TMEM184C: variants seen among roughly 807,000 people sequenced by gnomAD.
TMEM184C encodes transmembrane protein 184C, also known as transmembrane protein 34.
A neutral mutation model predicts 54.5 loss-of-function variants in TMEM184C; 25 were observed. The ratio of observed to expected loss-of-function variants is 0.46; its 90% confidence interval spans 0.33 to 0.64. The LOEUF (loss-of-function observed/expected upper bound fraction) is 0.64, where lower values mean the gene tolerates loss of function less well. Ranked by LOEUF, TMEM184C falls within the 30% of genes least tolerant of loss-of-function variation. TMEM184C has a pLI of 0.02. For missense variants in TMEM184C, 335 were observed against 520.3 expected (o/e 0.64, Z 3.46); for synonymous variants, 148 against 181.5 (o/e 0.82, Z 1.49).
chr4:147,634,122 A>G (rs748857567), intron 9 of TMEM184C, 47 bp from the exon 10 acceptor site: 2 of 1,578,128 alleles, frequency 1.3e-6, no homozygotes, highest in Admixed American at 3.5e-5. Flanking sequence ...TGGTAAGTTT[A>G]TAATGGTAAA....
intron 6 of TMEM184C, among the ~76,000 whole-genome samples, chr4:147,630,804 G>A (rs1250733086): frequency 6.6e-6 from 1 of 152,026 alleles, no homozygotes; most frequent in Non-Finnish European, 1.5e-5. Flanking sequence ...ATAGGGAATA[G>A]TGAACTTTCA....
In TMEM184C at chr4:147,629,720, C is replaced by G. The variant is rs763054192; in HGVS notation, c.666+28C>G. On this transcript the variant is annotated intron_variant, in intron 6 of 9. Transcript: ENST00000296582. ...AAGTAAAATGTTCACTTTTCTTAAA[C>G]TGTACTAAATTCGTATCTATAACTA... 4.0e-6 allele frequency: 6 copies of G among 1,511,412 alleles called. No individual in the cohort carries two copies. The African/African-American group carries it at 7.1e-5, about 18-fold the overall frequency. 93.6% of individuals were successfully genotyped at this position (1,511,412 alleles called of 1,614,324 possible). A position where few individuals can be genotyped will look rare whatever the true frequency, so the allele number is the denominator to read the frequency against.
rs774384674 is a variant in TMEM184C, at chr4:147,621,341, GT to G, written c.124-2487del. 3.3e-5 allele frequency among the ~76,000 whole-genome samples: 5 copies of G among 151,876 alleles called. No homozygotes were observed. The East Asian group carries it at 7.7e-4, about 23-fold the overall frequency. ...TATTCTTGGATGCTTGTCTTTAAGG[GT>G]TTTTTCTTTCCTCTCTTCTTTCCTA... On this transcript the variant is annotated intron_variant, in intron 1 of 9. Transcript: ENST00000296582.
chr4:147,631,079 A>C (rs985377911), intron 6 of TMEM184C, among the ~76,000 whole-genome samples: 1 of 152,160 alleles, frequency 6.6e-6, no homozygotes, highest in Non-Finnish European at 1.5e-5. Context: ...TATGTTTAAA[A>C]GCCGTTACAG....
intron 1 of TMEM184C, among the ~76,000 whole-genome samples, chr4:147,623,583 A>C (rs1193734429): frequency 6.6e-6 from 1 of 150,860 alleles, no homozygotes; most frequent in African/African-American, 2.4e-5. Context: ...ATACTCTTCA[A>C]GGCAAGATTA....
In TMEM184C at chr4:147,628,418, C is replaced by T. The variant is rs148299197; in HGVS notation, c.555C>T (p.Phe185=). The T allele has an allele frequency of 1.3e-3, 2,054 of 1,613,654 alleles. 1 individual carries two copies. Among genetic ancestry groups the T allele is most frequent in the Non-Finnish European group, 1.6e-3 (1,880 of 1,179,854 alleles). ...TACAGTACACAGTTGTCAGACCTTTCACCACCATCGTTGCTTTGTAAGTAC... is the reference window on the plus strand; with the variant it reads ...TACAGTACACAGTTGTCAGACCTTTTACCACCATCGTTGCTTTGTAAGTAC... ...GVLQYTVVRP[F]TTIVALICEL... Residue 185 remains phenylalanine, a synonymous_variant, in exon 5 of 10, where the codon TTC becomes TTT. Coordinates refer to ENST00000296582, the MANE Select transcript of TMEM184C (RefSeq NM_018241.3).
intron 6 of TMEM184C, 131 bp downstream of exon 6, chr4:147,629,823 A>C (rs1732882049): frequency 6.4e-6 from 3 of 470,004 alleles, no homozygotes; most frequent in Non-Finnish European, 1.0e-5. Context: ...TCTGAAATTT[A>C]ATTTATAGAA....
Position 147,629,709 on chromosome 4 carries a change from C to T in TMEM184C, c.666+17C>T, listed in dbSNP as rs747224197. ...TCACAGTTGGTAAGTAAAATGTTCA[C>T]TTTTCTTAAACTGTACTAAATTCGT... is the stretch of plus-strand genomic sequence containing the variant. On this transcript the variant is annotated intron_variant, in intron 6 of 9. Transcript: ENST00000296582. 14 of 1,538,346 alleles carry T rather than the reference C, an allele frequency of 9.1e-6. No homozygotes were observed. Among genetic ancestry groups the T allele is most frequent in the Non-Finnish European group, 1.2e-5 (14 of 1,141,180 alleles).
Position 147,633,825 on chromosome 4 carries a change from T to A in TMEM184C, c.940T>A (p.Tyr314Asn), listed in dbSNP as rs1283457635. 1 of 1,613,818 alleles carries A rather than the reference T, an allele frequency of 6.2e-7. No individual in the cohort carries two copies. The change falls in exon 9 of 10, where the codon TAT (tyrosine) becomes AAT (asparagine). Residue 314 changes from tyrosine (Y) to asparagine (N), a missense_variant. Coordinates refer to ENST00000296582, the MANE Select transcript of TMEM184C (RefSeq NM_018241.3). ...CATTGCTCATCATTACACATTCTCATATAAACCATATGTCCAAGAAGCAGA... is the reference window on the plus strand; with the variant it reads ...CATTGCTCATCATTACACATTCTCAAATAAACCATATGTCCAAGAAGCAGA... ...AAIAHHYTFS[Y>N]KPYVQEAEEG...
chr4:147,622,150 C>CCACACTGGTCT (rs1305879160), intron 1 of TMEM184C, among the ~76,000 whole-genome samples: 2 of 151,850 alleles, frequency 1.3e-5, no homozygotes, highest in Non-Finnish European at 2.9e-5. Flanking sequence ...GCCATGTTGC[C>CCACACTGGTCT]CACACTGGTC....
chr4:147,633,615 T>C, intron 8 of TMEM184C, 150 bp from the exon 9 acceptor site: 3 of 714,556 alleles, frequency 4.2e-6, no homozygotes, highest in Non-Finnish European at 6.0e-6. Flanking sequence ...AAAATAATTA[T>C]TTTAGAAAAT....
chr4:147,628,300 G>A (rs754424813), intron 4 of TMEM184C, 61 bp from the exon 5 acceptor site: 2 of 1,347,274 alleles, frequency 1.5e-6, no homozygotes, highest in Non-Finnish European at 2.1e-6. Flanking sequence ...TGGAGGCTTT[G>A]GGGAAAATCT....
Position 147,617,754 on chromosome 4 carries a change from C to G in TMEM184C, c.-203C>G. On this transcript the variant is annotated 5_prime_UTR_variant, in exon 1 of 10. Transcript: ENST00000296582. ...TTGCCTGCACTGCTCGCCAATAGCA[C>G]CCTGAGAGGCTACATTTGCAGAAGC... The G allele has an allele frequency of 1.6e-6, 1 of 621,860 alleles. No individual in the cohort carries two copies. Among genetic ancestry groups the G allele is most frequent in the South Asian group, 1.8e-5 (1 of 56,926 alleles). 38.5% of individuals were successfully genotyped at this position (621,860 alleles called of 1,614,324 possible).
In TMEM184C at chr4:147,629,632, G is replaced by A; in HGVS notation, c.606G>A (p.Gly202=). The change falls in exon 6 of 10, where the codon GGG becomes GGA. Residue 202 remains glycine, a synonymous_variant. Coordinates refer to ENST00000296582, the MANE Select transcript of TMEM184C (RefSeq NM_018241.3). The part of the protein sequence containing the change: ...ICELLGIYDE[G]NFSFSNAWTY... ...AGCTGCTTGGTATATATGACGAAGG[G>A]AACTTTAGCTTTTCAAATGCTTGGA... 1 of 1,594,962 alleles carries A rather than the reference G, an allele frequency of 6.3e-7. No individual in the cohort carries two copies. The highest frequency in any genetic ancestry group is 8.5e-7 in the Non-Finnish European group (1 of 1,172,276).
intron 1 of TMEM184C, 97 bp downstream of exon 1, chr4:147,618,176 G>T: frequency 6.4e-7 from 1 of 1,552,218 alleles, no homozygotes; most frequent in Non-Finnish European, 8.8e-7. Flanking sequence ...TGACAGTCCT[G>T]AAAACCATCT....
At chr4:147,618,195 C>T (rs1732636450) in intron 1 of TMEM184C, 116 bp downstream of exon 1, 4 of 1,432,608 alleles carry the variant, frequency 2.8e-6, no homozygotes, top group African/African-American at 1.4e-5. Flanking sequence ...CTAATGTAAA[C>T]GAGCCTACTC....
chr4:147,633,834 T>C lies in TMEM184C; in HGVS notation c.949T>C (p.Tyr317His), dbSNP rs1236437514. 1 of 1,613,878 alleles carries C rather than the reference T, an allele frequency of 6.2e-7. No homozygotes were observed. Among genetic ancestry groups the C allele is most frequent in the South Asian group, 1.1e-5 (1 of 91,068 alleles). ...TCATTACACATTCTCATATAAACCATATGTCCAAGAAGCAGAAGAGGGCTC... is the reference window on the plus strand; with the variant it reads ...TCATTACACATTCTCATATAAACCACATGTCCAAGAAGCAGAAGAGGGCTC... ...AHHYTFSYKP[Y>H]VQEAEEGSCF... The change falls in exon 9 of 10, where the codon TAT becomes CAT. Residue 317 changes from tyrosine to histidine, a missense_variant. By Grantham distance (83) the Tyr-to-His change is moderately conservative (BLOSUM62 2). Transcript: ENST00000296582.
In TMEM184C at chr4:147,617,724, G is replaced by C; in HGVS notation, c.-233G>C. On this transcript the variant is annotated 5_prime_UTR_variant, in exon 1 of 10. Transcript: ENST00000296582. ...GGGTAGATGCGGGGTGGAGAAGAAA[G>C]GATGTTGCCTGCACTGCTCGCCAAT... The C allele has an allele frequency of 2.1e-6, 1 of 487,116 alleles. No individual in the cohort carries two copies. The highest frequency in any genetic ancestry group is 3.9e-5 in the East Asian group (1 of 25,738). The allele number at this position is 487,116 out of a possible 1,614,324, so 30.2% of individuals were successfully genotyped here.
intron 6 of TMEM184C, among the ~76,000 whole-genome samples, chr4:147,630,459 T>C (rs1032117595): frequency 6.6e-6 from 1 of 152,066 alleles, no homozygotes; most frequent in Non-Finnish European, 1.5e-5. Context: ...TTGCCTAAAG[T>C]ATCTTTGTAT....
Sources: allele counts gnomAD v4.1 joint callset (sites outside exome capture counted in the v4.1 genomes callset), GRCh38; gene constraint gnomAD v4.1.1; transcripts MANE v1.5; gene names NCBI Gene and HGNC (gene_info 2026-07-23, HGNC 2026-07-21).